NAALADL2: variants seen among roughly 807,000 people sequenced by gnomAD.
NAALADL2 encodes the protein inactive N-acetylated-alpha-linked acidic dipeptidase-like protein 2.
In NAALADL2, 76 loss-of-function variants were observed where a neutral mutation model predicts 87.2. That is an observed-to-expected ratio of 0.87 (90% CI 0.72 to 1.05). NAALADL2 has a LOEUF of 1.05. Among genes scored for constraint, NAALADL2 ranks in the 50% least tolerant of loss-of-function variants. NAALADL2 has a pLI of 0.00. For synonymous variants in NAALADL2, 354 were observed against 331.0 expected (o/e 1.07, Z -0.75); for missense variants, 1,089 against 945.8 (o/e 1.15, Z -1.99).
chr3:175,688,810 A>C (rs1354749667), intron 11 of NAALADL2, among the ~76,000 whole-genome samples: 1 of 152,144 alleles, frequency 6.6e-6, no homozygotes. Flanking sequence ...AGCTCTGCCC[A>C]AGGCCTCAAA....
At chr3:175,058,935 C>G (rs1432183232) in intron 1 of NAALADL2, among the ~76,000 whole-genome samples, 10 of 152,136 alleles carry the variant, frequency 6.6e-5, no homozygotes. Context: ...CTCCTACCTA[C>G]TAGTCTTGAC....
intron 3 of NAALADL2, among the ~76,000 whole-genome samples, chr3:174,828,215 C>T (rs1308364025): frequency 6.7e-6 from 1 of 149,380 alleles, no homozygotes; most frequent in Non-Finnish European, 1.5e-5. Flanking sequence ...TCAATCTTCC[C>T]CCCAAAAGAT....
chr3:174,511,536 A>AT lies in NAALADL2; in HGVS notation c.-183-39025dup, dbSNP rs570570694. On this transcript the variant is annotated intron_variant, in intron 1 of 3. Coordinates refer to the NAALADL2 transcript ENST00000434257. ...ATCTTTCAGCCTTTACTTTTAATCT[A>AT]TTTTTTTTCATATTTCAAGTAGTTT... Among the ~76,000 whole-genome samples, 7 of 150,250 alleles carry AT rather than the reference A, an allele frequency of 4.7e-5. No homozygotes were observed. In the East Asian group the frequency reaches 7.9e-4, roughly 17 times the overall value.
At chr3:174,856,186 T>G (rs963680548), upstream of NAALADL2, among the ~76,000 whole-genome samples, 1 of 152,016 alleles carries the variant, frequency 6.6e-6, no homozygotes, top group Non-Finnish European at 1.5e-5. Context: ...TTGTATTGTT[T>G]GTTCACACAG....
rs189054121 is a variant in NAALADL2, at chr3:174,878,667, C to T, written c.43+19217C>T. 2.7e-3 allele frequency among the ~76,000 whole-genome samples: 416 copies of T among 151,982 alleles called. 2 individuals carry two copies. Among genetic ancestry groups the T allele is most frequent in the African/African-American group, 9.5e-3 (395 of 41,494 alleles). ...GCAGTAAGCTCAATATCTGTTCTGC[C>T]GCTCTTTTCTATTTGCCCCTGTACA... On this transcript the variant is annotated intron_variant, in intron 1 of 13. Coordinates refer to ENST00000454872, the MANE Select transcript of NAALADL2 (RefSeq NM_207015.3).
At chr3:175,555,420 G>A (rs1279832686) in intron 9 of NAALADL2, among the ~76,000 whole-genome samples, 1 of 152,108 alleles carries the variant, frequency 6.6e-6, no homozygotes, top group Non-Finnish European at 1.5e-5. Flanking sequence ...GTAGTCAAAT[G>A]TACTGAATTT....
chr3:175,506,303 A>G (rs1303163230), intron 9 of NAALADL2, among the ~76,000 whole-genome samples: 1 of 152,228 alleles, frequency 6.6e-6, no homozygotes, highest in Admixed American at 6.5e-5. Context: ...TCATCCCTGA[A>G]CGTTTAGTTT....
intron 2 of NAALADL2, among the ~76,000 whole-genome samples, chr3:174,705,570 G>A (rs1045786951): frequency 1.3e-5 from 2 of 152,198 alleles, no homozygotes; most frequent in African/African-American, 2.4e-5. Flanking sequence ...GGATCACGAG[G>A]TCAGGAGATC....
Position 175,500,179 on chromosome 3 carries a change from G to A in NAALADL2, c.1653+28421G>A, listed in dbSNP as rs187104339. 3.2e-3 allele frequency among the ~76,000 whole-genome samples: 492 copies of A among 152,090 alleles called. 3 individuals are homozygous for A. Among genetic ancestry groups the A allele is most frequent in the Non-Finnish European group, 5.3e-3 (360 of 67,974 alleles). ...TTATCCTTTAGAAATAAGATAATGCGCATACATACATAACTCTAATGCAAG... is the reference window on the plus strand; with the variant it reads ...TTATCCTTTAGAAATAAGATAATGCACATACATACATAACTCTAATGCAAG... On this transcript the variant is annotated intron_variant, in intron 9 of 13. Coordinates refer to ENST00000454872, the MANE Select transcript of NAALADL2 (RefSeq NM_207015.3).
intron 9 of NAALADL2, among the ~76,000 whole-genome samples, chr3:175,484,899 G>C (rs1272082585): frequency 6.6e-6 from 1 of 152,132 alleles, no homozygotes; most frequent in Non-Finnish European, 1.5e-5. Flanking sequence ...TCTTATCAGT[G>C]TGCTCTTTGC....
intron 9 of NAALADL2, among the ~76,000 whole-genome samples, chr3:175,512,186 T>C (rs1423472037): frequency 6.6e-6 from 1 of 152,168 alleles, no homozygotes; most frequent in Non-Finnish European, 1.5e-5. Flanking sequence ...CAAGGTTTCC[T>C]GTGATCCCAC....
chr3:174,978,129 G>A (rs1189737727), intron 1 of NAALADL2, among the ~76,000 whole-genome samples: 1 of 152,116 alleles, frequency 6.6e-6, no homozygotes, highest in Non-Finnish European at 1.5e-5. Context: ...CTGGCAGGTG[G>A]GGAGTCAAGA....
intron 2 of NAALADL2, among the ~76,000 whole-genome samples, chr3:174,726,687 A>G (rs1291332286): frequency 6.6e-6 from 1 of 151,294 alleles, no homozygotes; most frequent in Non-Finnish European, 1.5e-5. Flanking sequence ...TCCTTCCTTC[A>G]TCATCAAACA....
At chr3:175,013,449 C>G (rs1485675589) in intron 1 of NAALADL2, among the ~76,000 whole-genome samples, 1 of 149,346 alleles carries the variant, frequency 6.7e-6, no homozygotes. Context: ...CAGGCATGCA[C>G]CACCACGCCC....
chr3:175,359,775 C>T (rs12497934), intron 5 of NAALADL2, among the ~76,000 whole-genome samples: 1 of 151,738 alleles, frequency 6.6e-6, no homozygotes, highest in African/African-American at 2.4e-5. Flanking sequence ...ATGGGTTTAT[C>T]TTTTATTTTT....
At chr3:175,653,242 T>A (rs988324413) in intron 11 of NAALADL2, among the ~76,000 whole-genome samples, 1 of 151,500 alleles carries the variant, frequency 6.6e-6, no homozygotes, top group Non-Finnish European at 1.5e-5. Flanking sequence ...AAAAAATCAG[T>A]GTAACTTTAC....
In NAALADL2 at chr3:175,345,487, G is replaced by A. The variant is rs144511116; in HGVS notation, c.1090+21162G>A. ...AAATACCACTTCTTAGAGAATGAGC[G>A]TGTGATGCAAAGGAAATTTCTTTCA... On this transcript the variant is annotated intron_variant, in intron 5 of 13. Transcript: ENST00000454872. Among the ~76,000 whole-genome samples, 5 of 152,222 alleles carry A rather than the reference G, an allele frequency of 3.3e-5. No homozygotes were observed. In the East Asian group the frequency reaches 9.7e-4, roughly 29 times the overall value.
rs75132901 is a variant in NAALADL2, at chr3:175,349,423, C to T, written c.1090+25098C>T. On this transcript the variant is annotated intron_variant, in intron 5 of 13. Coordinates refer to ENST00000454872, the MANE Select transcript of NAALADL2 (RefSeq NM_207015.3). ...AAAAAACCACAGAGACTAGAGTGTG[C>T]GGAGGGGGAAATGAGGCATAAAGCT... Among the ~76,000 whole-genome samples the T allele has an allele frequency of 2.1e-3, 321 of 151,900 alleles. 8 individuals are homozygous for T. The East Asian group carries it at 0.043, about 20-fold the overall frequency.
intron 1 of NAALADL2, among the ~76,000 whole-genome samples, chr3:174,869,219 G>C (rs928820054): frequency 6.6e-6 from 1 of 152,092 alleles, no homozygotes; most frequent in African/African-American, 2.4e-5. Context: ...TGAAATTATA[G>C]AGTATAACTT....
Sources: allele counts gnomAD v4.1 joint callset (sites outside exome capture counted in the v4.1 genomes callset), GRCh38; gene constraint gnomAD v4.1.1; transcripts MANE v1.5; gene names NCBI Gene and HGNC (gene_info 2026-07-23, HGNC 2026-07-21).